Variants in LIAS observed in about 807,000 individuals in gnomAD.
LIAS encodes the protein lipoyl synthase, mitochondrial.
A neutral mutation model predicts 49.4 loss-of-function variants in LIAS; 36 were observed. The ratio of observed to expected loss-of-function variants is 0.73; its 90% CI spans 0.56 to 0.96. LIAS has a LOEUF of 0.96. Ranked by LOEUF, LIAS falls within the 40% of genes least tolerant of loss-of-function variation. The probability of loss-of-function intolerance (pLI) is 0.00; values close to 1 mark genes in which losing one functional copy is unlikely to be tolerated. For synonymous variants in LIAS, 145 were observed against 155.8 expected, an observed-to-expected ratio of 0.93 and a Z score of 0.52; for missense variants, 399 against 456.3, an observed-to-expected ratio of 0.87 and a Z score of 1.14.
chr4:39,474,606 T>TA (rs1050508029), intron 10 of LIAS, among the ~76,000 whole-genome samples: 25 of 149,944 alleles, frequency 1.7e-4, no homozygotes, highest in South Asian at 1.3e-3. Flanking sequence ...TTATTATTAT[T>TA]TTTTTTTTAG....
chr4:39,462,758 G>T (rs747027792), intron 3 of LIAS, among the ~76,000 whole-genome samples: 4 of 152,242 alleles, frequency 2.6e-5, no homozygotes, highest in Non-Finnish European at 5.9e-5. Flanking sequence ...GCCGAGGTGG[G>T]AGGATCACCT....
intron 10 of LIAS, chr4:39,475,026 G>C (rs1745143216): frequency 6.6e-6 from 1 of 152,134 alleles, no homozygotes; most frequent in African/African-American, 2.4e-5. Flanking sequence ...GGCCAACATG[G>C]TGAAACCCCA....
At chr4:39,474,449 A>T (rs1745115282) in intron 10 of LIAS, among the ~76,000 whole-genome samples, 1 of 151,724 alleles carries the variant, frequency 6.6e-6, no homozygotes, top group South Asian at 2.1e-4. Context: ...ATAAAATAAA[A>T]AAAAGAAACA....
chr4:39,461,510 C>T (rs898109183), intron 2 of LIAS, among the ~76,000 whole-genome samples: 3 of 152,160 alleles, frequency 2.0e-5, no homozygotes, highest in African/African-American at 7.2e-5. Context: ...GAATGTAGAG[C>T]AGACAGTGCA....
At position 39,465,012 on chromosome 4, in the gene LIAS, C is replaced by G. The variant is rs540084280; in HGVS notation, c.394-34C>G. 2.5e-5 allele frequency: 39 copies of G among 1,557,968 alleles called. No homozygotes were observed. In the Admixed American group the frequency reaches 3.9e-4, roughly 16 times the overall value. On this transcript the variant is annotated intron_variant, in intron 4 of 10. Coordinates refer to ENST00000640888, the MANE Select transcript of LIAS (RefSeq NM_006859.4). The stretch of plus-strand genomic sequence containing the variant: ...CATTATGTCCTTAAGGGTCATCTGT[C>G]TATTTCATTTAAATTGTAACATTTC...
chr4:39,463,513 T>G lies in LIAS; in HGVS notation c.313-12T>G, dbSNP rs2109872778. On this transcript the variant is annotated splice_polypyrimidine_tract_variant and intron_variant, in intron 3 of 10. Coordinates refer to ENST00000640888, the MANE Select transcript of LIAS (RefSeq NM_006859.4). ...GTCAACCTAATGGTGTTCCATTTCCTTTTGCATACAGGTATGTGAGGAAGC... is the reference window on the plus strand; with the variant it reads ...GTCAACCTAATGGTGTTCCATTTCCGTTTGCATACAGGTATGTGAGGAAGC... The G allele has an allele frequency of 6.3e-7, 1 of 1,586,198 alleles. No homozygotes were observed. The highest frequency in any genetic ancestry group is 8.6e-7 in the Non-Finnish European group (1 of 1,163,252).
At position 39,462,281 on chromosome 4, in the gene LIAS, C is replaced by G. The variant is rs1474214475; in HGVS notation, c.304C>G (p.Leu102Val). The G allele has an allele frequency of 6.6e-7, 1 of 1,525,586 alleles. No homozygotes were observed. The highest frequency in any genetic ancestry group is 8.9e-7 in the Non-Finnish European group (1 of 1,125,018). 94.5% of individuals were successfully genotyped at this position (1,525,586 alleles called of 1,614,324 possible). A position where few individuals can be genotyped will look rare whatever the true frequency, so the allele number is the denominator to read the frequency against. ...GAAAAATACTTTGCGGAATTTAAAT[C>G]TCCATACAGTAAGTTGTCAAAGTGT... ...KLKNTLRNLN[L>V]HTVCEEARCP... The change falls in exon 3 of 11, where the codon CTC (leucine) becomes GTC (valine). Residue 102 changes from leucine to valine, a missense_variant. Leu to Val is a conservative substitution (Grantham distance 32). Transcript: ENST00000640888.
In LIAS at chr4:39,459,122, C is replaced by T. The variant is rs372288500; in HGVS notation, c.5C>T (p.Ser2Phe). Residue 2 changes from serine (S) to phenylalanine (F), a missense_variant, in exon 1 of 11, where the codon TCT becomes TTT. Around this residue, in one of 3 missense-constraint regions of LIAS, gnomAD observed 159 missense variants for 147.6 expected, o/e 1.08. Transcript: ENST00000640888. ...TGCGCTAGTCCTAAAGAGGAAATGT[C>T]TCTACGCTGCGGGGATGCAGCCCGC... M[S>F]LRCGDAARTL... 3 of 1,614,000 alleles carry T rather than the reference C, an allele frequency of 1.9e-6. No individual in the cohort carries two copies. The African/African-American group carries it at 4.0e-5, about 22-fold the overall frequency.
chr4:39,474,262 CAAAAAAAAAA>C (rs34137564), intron 10 of LIAS, among the ~76,000 whole-genome samples: 2 of 92,406 alleles, frequency 2.2e-5, no homozygotes, highest in Non-Finnish European at 4.1e-5. Flanking sequence ...GACTCTGTCT[CAAAAAAAAAA>C]AAAAAAAAAG....
At chr4:39,470,883 A>G (rs568749393) in intron 8 of LIAS, among the ~76,000 whole-genome samples, 1 of 152,300 alleles carries the variant, frequency 6.6e-6, no homozygotes, top group Admixed American at 6.5e-5. Flanking sequence ...TATTTGCTCT[A>G]TAATATAGGT....
At chr4:39,459,691 A>G (rs1744345252) in intron 1 of LIAS, among the ~76,000 whole-genome samples, 1 of 152,260 alleles carries the variant, frequency 6.6e-6, no homozygotes, top group East Asian at 1.9e-4. Flanking sequence ...AAAGCCGAAT[A>G]CCATGATTTC....
intron 8 of LIAS, chr4:39,470,746 A>T (rs11096996): frequency 0.31 from 49,117 of 156,892 alleles, 8,580 homozygotes; most frequent in South Asian, 0.46. Flanking sequence ...TAATAAGTTC[A>T]TATAATAATC....
chr4:39,461,279 A>G (rs16995293), intron 2 of LIAS, among the ~76,000 whole-genome samples: 25,585 of 152,184 alleles, frequency 0.17, 2,450 homozygotes, highest in African/African-American at 0.26. Flanking sequence ...TGATGATCTA[A>G]CTTGTGCTTC....
Position 39,469,878 on chromosome 4 carries a change from C to T in LIAS, c.738-141C>T, listed in dbSNP as rs557418755. ...TTTTCTTTCCTAAATTAACAGGCATCTGTGCATAAATGCTACCTTTGAACT... is the reference window on the plus strand; with the variant it reads ...TTTTCTTTCCTAAATTAACAGGCATTTGTGCATAAATGCTACCTTTGAACT... On this transcript the variant is annotated intron_variant, in intron 7 of 10. Transcript: ENST00000640888. 5.6e-5 allele frequency: 34 copies of T among 611,780 alleles called. No homozygotes were observed. In the African/African-American group the frequency reaches 6.1e-4, roughly 11 times the overall value. The allele number at this position is 611,780 out of a possible 1,614,324, so 37.9% of individuals were successfully genotyped here. A position where few individuals can be genotyped will look rare whatever the true frequency, so the allele number is the denominator to read the frequency against.
At position 39,477,082 on chromosome 4, in the gene LIAS, T is replaced by C; in HGVS notation, c.1086T>C (p.Asn362=). The C allele has an allele frequency of 6.3e-7, 1 of 1,597,328 alleles. No homozygotes were observed. Among genetic ancestry groups the C allele is most frequent in the African/African-American group, 1.4e-5 (1 of 74,024 alleles). Residue 362 remains asparagine (N), a synonymous_variant, in exon 11 of 11, where the codon AAT becomes AAC. Transcript: ENST00000640888. ...AAATAGGTGAATTTTTCCTGAAAAA[T>C]CTAGTGGCTAAAAGAAAAACAAAAG... ...SYKAGEFFLK[N]LVAKRKTKDL
Position 39,459,063 on chromosome 4 carries a change from T to G in LIAS, c.-55T>G, listed in dbSNP as rs2109862454. The G allele has an allele frequency of 1.9e-6, 3 of 1,599,376 alleles. No individual in the cohort carries two copies. In the South Asian group the frequency reaches 3.3e-5, roughly 18 times the overall value. ...GAGCGACGTAATTTCGACCTGTCCT[T>G]TCCCGGGAGTTAGCGATCCCTCAAC... On this transcript the variant is annotated 5_prime_UTR_variant, in exon 1 of 11. Transcript: ENST00000640888.
Position 39,478,388 on chromosome 4 carries a change from C to G in LIAS, c.*1273C>G, listed in dbSNP as rs1745280141. 1 of 152,128 alleles carries G rather than the reference C, an allele frequency of 6.6e-6. No homozygotes were observed. The highest frequency in any genetic ancestry group is 1.5e-5 in the Non-Finnish European group (1 of 68,028). The allele number at this position is 152,128 out of a possible 1,614,324, so 9.4% of individuals were successfully genotyped here. On this transcript the variant is annotated 3_prime_UTR_variant, in exon 11 of 11. Coordinates refer to ENST00000640888, the MANE Select transcript of LIAS (RefSeq NM_006859.4). ...GTGTGTTGGCAGGTGCCTGTAATCC[C>G]AGCTACTTGGGAGGCTGAGGCACGA...
At position 39,459,146 on chromosome 4, in the gene LIAS, G is replaced by T. The variant is rs1370681479; in HGVS notation, c.29G>T (p.Arg10Leu). The T allele has an allele frequency of 6.2e-7, 1 of 1,613,460 alleles. No individual in the cohort carries two copies. The highest frequency in any genetic ancestry group is 1.7e-5 in the Admixed American group (1 of 60,008). MSLRCGDAA[R>L]TLGPRVFGRY... ...TCTCTACGCTGCGGGGATGCAGCCC[G>T]CACCCTGGGGCCCCGGGTGAGCGGC... The change falls in exon 1 of 11, where the codon CGC becomes CTC. Residue 10 changes from arginine (R) to leucine (L), a missense_variant. Coordinates refer to ENST00000640888, the MANE Select transcript of LIAS (RefSeq NM_006859.4).
chr4:39,465,055 G>C lies in LIAS; in HGVS notation c.403G>C (p.Asp135His), dbSNP rs772011702. 5 of 1,612,776 alleles carry C rather than the reference G, an allele frequency of 3.1e-6. No homozygotes were observed. In the African/African-American group the frequency reaches 6.7e-5, roughly 22 times the overall value. ...AACATTTCTATTCTAGTTGATGGGT[G>C]ACACATGTACAAGAGGTTGCAGATT... ...TATATIMLMG[D>H]TCTRGCRFCS... Residue 135 changes from aspartate (D) to histidine (H), a missense_variant, in exon 5 of 11, where the codon GAC becomes CAC. By Grantham distance (81) the Asp-to-His change is moderately conservative. Around this residue, in one of 3 missense-constraint regions of LIAS, gnomAD observed 234 missense variants for 292.2 expected, o/e 0.80. Transcript: ENST00000640888.
Sources: allele counts gnomAD v4.1 joint callset (sites outside exome capture counted in the v4.1 genomes callset), GRCh38; gene constraint gnomAD v4.1.1; regional missense constraint gnomAD v4.1.1; transcripts MANE v1.5; gene names NCBI Gene and HGNC (gene_info 2026-07-23, HGNC 2026-07-21).